The following GRIA1 variants were observed in gnomAD, a reference collection of about 807,000 sequenced individuals.
The protein encoded by GRIA1 is glutamate receptor 1.
Under a neutral mutation model 99.2 loss-of-function variants are expected in GRIA1, and 31 were observed. The ratio of observed to expected loss-of-function variants is 0.31; its 90% CI spans 0.23 to 0.42. The LOEUF (loss-of-function observed/expected upper bound fraction) is 0.42. GRIA1 is among the 10% of genes least tolerant of loss of function. The pLI is 1.00. For synonymous variants in GRIA1, 438 were observed against 432.4 expected (o/e 1.01, Z -0.16); for missense variants, 782 against 1,157.5 (o/e 0.68, Z 4.71).
chr5:153,742,226 A>G (rs549139273), intron 11 of GRIA1, among the ~76,000 whole-genome samples: 1 of 152,330 alleles, frequency 6.6e-6, no homozygotes, highest in South Asian at 2.1e-4. Flanking sequence ...CTAAAGGCAC[A>G]TATGGGGAAG....
chr5:153,727,624 C>G (rs1365632195), intron 11 of GRIA1, among the ~76,000 whole-genome samples: 2 of 152,146 alleles, frequency 1.3e-5, no homozygotes, highest in South Asian at 4.1e-4. Flanking sequence ...CATGAGTGAA[C>G]TCCCATTCAC....
At chr5:153,719,209 T>G (rs941535600) in intron 11 of GRIA1, among the ~76,000 whole-genome samples, 11 of 152,198 alleles carry the variant, frequency 7.2e-5, no homozygotes, top group African/African-American at 2.7e-4. Flanking sequence ...TGGGCTTAGT[T>G]CTGCCTCTTA....
At chr5:153,559,955 T>C (rs1477769545) in intron 2 of GRIA1, among the ~76,000 whole-genome samples, 1 of 152,108 alleles carries the variant, frequency 6.6e-6, no homozygotes, top group East Asian at 1.9e-4. Flanking sequence ...CTCCTTCCAT[T>C]TGGCTTTATC....
intron 14 of GRIA1, among the ~76,000 whole-genome samples, chr5:153,801,184 T>C (rs2149670894): frequency 6.6e-6 from 1 of 152,296 alleles, no homozygotes. Flanking sequence ...ATCAGTTGTG[T>C]TTGATTGTTC....
chr5:153,643,222 T>G (rs902966387), intron 2 of GRIA1, among the ~76,000 whole-genome samples: 2 of 152,140 alleles, frequency 1.3e-5, no homozygotes, highest in Non-Finnish European at 2.9e-5. Flanking sequence ...TAGACTAGAC[T>G]CTAGAATGTC....
chr5:153,762,688 T>C (rs1763263820), intron 11 of GRIA1, among the ~76,000 whole-genome samples: 1 of 152,172 alleles, frequency 6.6e-6, no homozygotes. Flanking sequence ...TCCTTAGAGT[T>C]GCATTCCCAG....
At chr5:153,537,274 C>T (rs552220313) in intron 2 of GRIA1, among the ~76,000 whole-genome samples, 1 of 152,310 alleles carries the variant, frequency 6.6e-6, no homozygotes, top group South Asian at 2.1e-4. Flanking sequence ...AAAGCAAATG[C>T]CAGCTCTGGA....
intron 2 of GRIA1, among the ~76,000 whole-genome samples, chr5:153,514,465 G>A (rs1756418374): frequency 6.6e-6 from 1 of 152,248 alleles, no homozygotes; most frequent in Middle Eastern, 3.4e-3. Flanking sequence ...CCCCTTGTGT[G>A]CTCTTGGCAC....
At position 153,781,357 on chromosome 5, in the gene GRIA1, T is replaced by TAA. The variant is rs5872341; in HGVS notation, c.2270+10954_2270+10955dup. On this transcript the variant is annotated intron_variant, in intron 13 of 15. Transcript: ENST00000285900. ...AATAAAATGTATTCCTTTAGAGGAATAAAAAAAAAAAAATAGTTGCATTAG... is the reference window on the plus strand; with the variant it reads ...AATAAAATGTATTCCTTTAGAGGAATAAAAAAAAAAAAAAATAGTTGCATTAG... Among the ~76,000 whole-genome samples, 4 of 144,756 alleles carry TAA rather than the reference T, an allele frequency of 2.8e-5. No homozygotes were observed. The East Asian group carries it at 6.0e-4, about 22-fold the overall frequency. 95.0% of individuals were successfully genotyped at this position (144,756 alleles called of 152,430 possible).
intron 8 of GRIA1, among the ~76,000 whole-genome samples, chr5:153,695,673 G>A (rs577760255): frequency 3.3e-5 from 5 of 152,322 alleles, no homozygotes; most frequent in East Asian, 1.9e-4. Context: ...TTCTAGAAAC[G>A]TGAGTTTCTG....
At chr5:153,701,091 C>T (rs1215226800) in intron 10 of GRIA1, among the ~76,000 whole-genome samples, 2 of 152,238 alleles carry the variant, frequency 1.3e-5, no homozygotes, top group Non-Finnish European at 2.9e-5. Context: ...GTGCACTTTT[C>T]ACCTTCTCTA....
At chr5:153,630,256 TATCATC>T (rs3037009) in intron 2 of GRIA1, among the ~76,000 whole-genome samples, 5 of 151,110 alleles carry the variant, frequency 3.3e-5, no homozygotes, top group African/African-American at 1.2e-4. Context: ...TAATGATAAT[TATCATC>T]ATCATCATCA....
intron 2 of GRIA1, among the ~76,000 whole-genome samples, chr5:153,634,853 A>G (rs1346395917): frequency 6.6e-6 from 1 of 152,236 alleles, no homozygotes; most frequent in South Asian, 2.1e-4. Flanking sequence ...GGCAGGGGTC[A>G]GGAGTGAATT....
chr5:153,681,791 T>C (rs1325886221), intron 7 of GRIA1, among the ~76,000 whole-genome samples: 1 of 152,028 alleles, frequency 6.6e-6, no homozygotes, highest in East Asian at 1.9e-4. Flanking sequence ...ATCCCAGCAC[T>C]TTGGGAGGCT....
chr5:153,651,161 T>C (rs1260417960), intron 4 of GRIA1, among the ~76,000 whole-genome samples: 2 of 152,184 alleles, frequency 1.3e-5, no homozygotes, highest in African/African-American at 4.8e-5. Flanking sequence ...ACACAGCTTA[T>C]AGGGCCAAAT....
chr5:153,528,508 G>T (rs902146343), intron 2 of GRIA1, among the ~76,000 whole-genome samples: 3 of 152,124 alleles, frequency 2.0e-5, no homozygotes, highest in Admixed American at 2.0e-4. Flanking sequence ...AGCTTGCAAG[G>T]CCAACCCCAG....
intron 11 of GRIA1, among the ~76,000 whole-genome samples, chr5:153,730,862 A>G (rs1461552160): frequency 6.6e-6 from 1 of 152,130 alleles, no homozygotes; most frequent in Non-Finnish European, 1.5e-5. Flanking sequence ...CTCTTATGTC[A>G]GAATGCAACT....
At chr5:153,756,735 C>T (rs1203247255) in intron 11 of GRIA1, among the ~76,000 whole-genome samples, 1 of 152,044 alleles carries the variant, frequency 6.6e-6, no homozygotes, top group Admixed American at 6.6e-5. Context: ...ATTAGGATAC[C>T]CTCTAGTGTT....
intron 13 of GRIA1, among the ~76,000 whole-genome samples, chr5:153,784,660 T>C (rs922762260): frequency 5.9e-5 from 9 of 152,246 alleles, no homozygotes; most frequent in East Asian, 5.8e-4. Flanking sequence ...CACTAACTAT[T>C]TTCTTTTGCT....
Sources: gnomAD v4.1 joint callset for allele counts (sites outside exome capture counted in the v4.1 genomes callset) on GRCh38, gnomAD v4.1.1 for gene constraint, MANE v1.5 for transcripts, NCBI Gene and HGNC (gene_info 2026-07-23, HGNC 2026-07-21) for gene names.